Variants in TSHZ3 observed in about 807,000 individuals in gnomAD.
TSHZ3 encodes teashirt zinc finger homeobox 3.
Under a neutral mutation model 64.5 loss-of-function variants are expected in TSHZ3, and 10 were observed. The ratio of observed to expected loss-of-function variants is 0.16; its 90% CI spans 0.10 to 0.26. The LOEUF (loss-of-function observed/expected upper bound fraction) is 0.26. Ranked by LOEUF, TSHZ3 falls within the 10% of genes least tolerant of loss-of-function variation. The pLI is 1.00. For missense variants in TSHZ3, 1,242 were observed against 1,421.7 expected, an observed-to-expected ratio of 0.87 and a Z score of 2.03; for synonymous variants, 608 against 593.1, an observed-to-expected ratio of 1.03 and a Z score of -0.36.
chr19:31,292,575 T>C (rs973663367), intron 1 of TSHZ3, among the ~76,000 whole-genome samples: 2 of 152,146 alleles, frequency 1.3e-5, no homozygotes, highest in Non-Finnish European at 2.9e-5. Context: ...AGATGGGAGT[T>C]AAGATTTACA....
intron 1 of TSHZ3, among the ~76,000 whole-genome samples, chr19:31,254,978 AG>A: frequency 6.6e-6 from 1 of 152,284 alleles, no homozygotes; most frequent in East Asian, 1.9e-4. Context: ...TGGGGAAGGA[AG>A]GAAGTCACTT....
intron 3 of TSHZ3, among the ~76,000 whole-genome samples, chr19:31,238,706 G>A (rs1320661600): frequency 1.3e-5 from 2 of 151,992 alleles, no homozygotes; most frequent in African/African-American, 4.8e-5. Flanking sequence ...ATATAGCCAC[G>A]CCAGCTTTCT....
At chr19:31,163,973 A>G (rs1395513442) in intron 5 of TSHZ3, among the ~76,000 whole-genome samples, 2 of 152,186 alleles carry the variant, frequency 1.3e-5, no homozygotes, top group Non-Finnish European at 2.9e-5. Context: ...TCCCCATGTT[A>G]CACTGAGGAA....
intron 1 of TSHZ3, among the ~76,000 whole-genome samples, chr19:31,262,612 G>GT (rs762242933): frequency 6.6e-6 from 1 of 152,090 alleles, no homozygotes; most frequent in Non-Finnish European, 1.5e-5. Flanking sequence ...TTATTTAAAT[G>GT]TTTTTTTATC....
downstream of TSHZ3, among the ~76,000 whole-genome samples, chr19:31,273,234 G>C (rs375367381): frequency 6.6e-6 from 1 of 152,134 alleles, no homozygotes; most frequent in East Asian, 1.9e-4. Context: ...GTTTGCATTC[G>C]TGCCTGGAGC....
intron 4 of TSHZ3, among the ~76,000 whole-genome samples, chr19:31,213,217 C>T (rs902377118): frequency 2.0e-5 from 3 of 151,214 alleles, no homozygotes; most frequent in Non-Finnish European, 4.4e-5. Flanking sequence ...ATTAGCCGGG[C>T]GTGGCGTCAT....
At chr19:31,230,337 T>C (rs1472589533) in intron 3 of TSHZ3, among the ~76,000 whole-genome samples, 1 of 152,166 alleles carries the variant, frequency 6.6e-6, no homozygotes. Context: ...TGTAAATATA[T>C]GCATAGAAAA....
At chr19:31,186,315 G>A (rs995977109) in intron 5 of TSHZ3, among the ~76,000 whole-genome samples, 3 of 152,246 alleles carry the variant, frequency 2.0e-5, no homozygotes, top group South Asian at 2.1e-4. Flanking sequence ...CATGTGTCAC[G>A]GGAAGGACCT....
chr19:31,224,685 C>T (rs1271672151), intron 4 of TSHZ3, among the ~76,000 whole-genome samples: 1 of 152,176 alleles, frequency 6.6e-6, no homozygotes, highest in Non-Finnish European at 1.5e-5. Context: ...CATTGCTATT[C>T]AGCAGCCCCA....
At chr19:31,191,102 G>A (rs1974898871) in intron 5 of TSHZ3, among the ~76,000 whole-genome samples, 1 of 152,164 alleles carries the variant, frequency 6.6e-6, no homozygotes, top group Non-Finnish European at 1.5e-5. Context: ...AGAAAGTGAG[G>A]AAAATTGGGA....
chr19:31,271,123 T>C (rs1002225233), downstream of TSHZ3, among the ~76,000 whole-genome samples: 1 of 152,170 alleles, frequency 6.6e-6, no homozygotes, highest in Non-Finnish European at 1.5e-5. Context: ...CCAGCCTTCA[T>C]GGACTGTCAG....
chr19:31,335,716 C>T (rs1917223066), intron 1 of TSHZ3, among the ~76,000 whole-genome samples: 1 of 152,208 alleles, frequency 6.6e-6, no homozygotes, highest in South Asian at 2.1e-4. Context: ...GCCTCCTGAA[C>T]AGGTGAGACC....
At chr19:31,263,489 G>C (rs1256101119) in intron 1 of TSHZ3, among the ~76,000 whole-genome samples, 3 of 152,224 alleles carry the variant, frequency 2.0e-5, no homozygotes, top group African/African-American at 7.2e-5. Context: ...ATGAAGGAAA[G>C]CTGCCTTCTC....
intron 6 of TSHZ3, among the ~76,000 whole-genome samples, chr19:31,153,000 G>A (rs1974260620): frequency 6.6e-6 from 1 of 152,152 alleles, no homozygotes; most frequent in Non-Finnish European, 1.5e-5. Context: ...ATATTGTTAA[G>A]CATTTGAATA....
At chr19:31,173,860 A>G (rs1385543136) in intron 5 of TSHZ3, among the ~76,000 whole-genome samples, 2 of 152,196 alleles carry the variant, frequency 1.3e-5, no homozygotes, top group African/African-American at 4.8e-5. Context: ...ATTTGAGGTT[A>G]GGAGCTCGAG....
At chr19:31,292,884 T>C (rs1976594442) in intron 1 of TSHZ3, among the ~76,000 whole-genome samples, 1 of 148,382 alleles carries the variant, frequency 6.7e-6, no homozygotes, top group Non-Finnish European at 1.5e-5. Flanking sequence ...AACCCATCCA[T>C]TCAAAAACTC....
chr19:31,273,349 C>T (rs561246465), downstream of TSHZ3, among the ~76,000 whole-genome samples: 5 of 152,290 alleles, frequency 3.3e-5, no homozygotes, highest in African/African-American at 7.2e-5. Flanking sequence ...GTCAAACAAG[C>T]GAGAGAACCT....
intron 4 of TSHZ3, among the ~76,000 whole-genome samples, chr19:31,223,454 G>C (rs1262222955): frequency 6.7e-6 from 1 of 150,132 alleles, no homozygotes; most frequent in Non-Finnish European, 1.5e-5. Flanking sequence ...AGTCACCAAA[G>C]ACAAGAAAAA....
At chr19:31,152,481 T>C (rs1974254763) in intron 6 of TSHZ3, among the ~76,000 whole-genome samples, 1 of 152,152 alleles carries the variant, frequency 6.6e-6, no homozygotes, top group Non-Finnish European at 1.5e-5. Flanking sequence ...ATAAATACTG[T>C]AAGTGGAAGA....
Sources: gnomAD v4.1 joint callset for allele counts (sites outside exome capture counted in the v4.1 genomes callset) on GRCh38, gnomAD v4.1.1 for gene constraint, MANE v1.5 for transcripts, NCBI Gene and HGNC (gene_info 2026-07-23, HGNC 2026-07-21) for gene names.